Variants in PLCB1 observed in about 807,000 individuals in gnomAD.
PLCB1 encodes the protein 1-phosphatidylinositol 4,5-bisphosphate phosphodiesterase beta-1.
A neutral mutation model predicts 161.8 loss-of-function variants in PLCB1; 46 were observed. The observed-to-expected ratio is 0.28, with a 90% CI of 0.22 to 0.36. The LOEUF (loss-of-function observed/expected upper bound fraction) is 0.36, where lower values mean the gene tolerates loss of function less well. Among genes scored for constraint, PLCB1 ranks in the 10% least tolerant of loss-of-function variants. The pLI, the probability that PLCB1 is intolerant of heterozygous loss-of-function variation, is 1.00. For missense variants in PLCB1, 1,016 were observed against 1,472.5 expected (o/e 0.69, Z 5.07); for synonymous variants, 517 against 503.7 (o/e 1.03, Z -0.35).
At chr20:8,218,234 G>A (rs766222200) in intron 2 of PLCB1, among the ~76,000 whole-genome samples, 32 of 152,068 alleles carry the variant, frequency 2.1e-4, no homozygotes, top group Middle Eastern at 3.2e-3. Flanking sequence ...GTTTCTAAAA[G>A]GGCAGTGTTT....
chr20:8,693,703 T>C (rs529957359), intron 10 of PLCB1, among the ~76,000 whole-genome samples: 17 of 152,332 alleles, frequency 1.1e-4, no homozygotes, highest in African/African-American at 3.8e-4. Context: ...CACTGCAAGA[T>C]GAAAAATTCT....
intron 2 of PLCB1, among the ~76,000 whole-genome samples, chr20:8,369,653 G>T (rs773841142): frequency 2.0e-5 from 3 of 152,160 alleles, no homozygotes; most frequent in Non-Finnish European, 4.4e-5. Context: ...ATTCCTTGCT[G>T]GGTTGCCACC....
chr20:8,602,874 G>A (rs987397795), intron 3 of PLCB1, among the ~76,000 whole-genome samples: 7 of 152,174 alleles, frequency 4.6e-5, no homozygotes, highest in African/African-American at 1.7e-4. Context: ...TTCCTAAATG[G>A]ATGTTTGAAG....
At chr20:8,838,648 G>C (rs11698557) in intron 31 of PLCB1, among the ~76,000 whole-genome samples, 48,376 of 151,758 alleles carry the variant, frequency 0.32, 8,610 homozygotes, top group East Asian at 0.63. Context: ...ATTCGTAAAC[G>C]AAAAGCAGTA....
chr20:8,531,216 C>T (rs971504560), intron 3 of PLCB1, among the ~76,000 whole-genome samples: 49 of 151,866 alleles, frequency 3.2e-4, no homozygotes, highest in African/African-American at 1.2e-3. Flanking sequence ...TATTCAGACC[C>T]ATGTAACAAA....
At chr20:8,340,585 G>C (rs573427715) in intron 2 of PLCB1, among the ~76,000 whole-genome samples, 5 of 152,032 alleles carry the variant, frequency 3.3e-5, no homozygotes, top group African/African-American at 1.2e-4. Flanking sequence ...ACCACGCCCG[G>C]CTAATTTTTT....
At chr20:8,173,628 A>C (rs1432256040) in intron 2 of PLCB1, among the ~76,000 whole-genome samples, 1 of 152,230 alleles carries the variant, frequency 6.6e-6, no homozygotes, top group East Asian at 1.9e-4. Flanking sequence ...AGAGCTGAGA[A>C]GATCATGGCT....
chr20:8,143,668 G>A (rs1470869403), intron 1 of PLCB1, among the ~76,000 whole-genome samples: 2 of 152,232 alleles, frequency 1.3e-5, no homozygotes, highest in African/African-American at 2.4e-5. Context: ...AATGTGTCAG[G>A]TGGAGGGAAC....
chr20:8,469,273 T>G (rs1277453384), intron 3 of PLCB1, among the ~76,000 whole-genome samples: 6 of 152,178 alleles, frequency 3.9e-5, no homozygotes. Context: ...GAAGAGAACT[T>G]AAGAATACTC....
intron 9 of PLCB1, among the ~76,000 whole-genome samples, chr20:8,678,293 GTC>G (rs1990134958): frequency 6.6e-6 from 1 of 152,154 alleles, no homozygotes; most frequent in Non-Finnish European, 1.5e-5. Context: ...TAGTATTACT[GTC>G]TCTGAAAGAA....
chr20:8,729,500 G>A (rs1408185264), intron 18 of PLCB1: 3 of 167,202 alleles, frequency 1.8e-5, no homozygotes, highest in Non-Finnish European at 3.8e-5. Context: ...AAACTGCCAG[G>A]AATGCTACCA....
intron 2 of PLCB1, among the ~76,000 whole-genome samples, chr20:8,177,307 G>A (rs966284303): frequency 4.6e-5 from 7 of 152,090 alleles, no homozygotes; most frequent in African/African-American, 1.7e-4. Context: ...TGAGAAATGG[G>A]CAATCACCAG....
intron 2 of PLCB1, among the ~76,000 whole-genome samples, chr20:8,178,516 A>G (rs1474772155): frequency 2.0e-5 from 3 of 152,028 alleles, no homozygotes; most frequent in Non-Finnish European, 4.4e-5. Flanking sequence ...GTTAATTTAA[A>G]TTTGTTATAG....
At chr20:8,500,697 CTTTATT>C (rs1983370157) in intron 3 of PLCB1, among the ~76,000 whole-genome samples, 1 of 152,112 alleles carries the variant, frequency 6.6e-6, no homozygotes, top group Non-Finnish European at 1.5e-5. Flanking sequence ...ACTCTTTCTT[CTTTATT>C]TTTATTATAC....
At chr20:8,164,955 A>G (rs985977355) in intron 2 of PLCB1, among the ~76,000 whole-genome samples, 2 of 152,216 alleles carry the variant, frequency 1.3e-5, no homozygotes, top group African/African-American at 4.8e-5. Flanking sequence ...ACAATCATTT[A>G]TTTGAAGGAA....
At chr20:8,238,524 A>G (rs1384485124) in intron 2 of PLCB1, among the ~76,000 whole-genome samples, 3 of 151,940 alleles carry the variant, frequency 2.0e-5, no homozygotes, top group Non-Finnish European at 4.4e-5. Flanking sequence ...GCCAGATGTC[A>G]TATACTAGAT....
intron 31 of PLCB1, among the ~76,000 whole-genome samples, chr20:8,822,658 C>T (rs1028577531): frequency 1.3e-5 from 2 of 152,214 alleles, no homozygotes. Flanking sequence ...CAGCAAAACA[C>T]AAGTCCCTGG....
chr20:8,766,691 C>G (rs753550512), intron 26 of PLCB1, among the ~76,000 whole-genome samples: 2 of 152,170 alleles, frequency 1.3e-5, no homozygotes, highest in Non-Finnish European at 2.9e-5. Context: ...AGAGCAATGA[C>G]TCTAGCTGCT....
At chr20:8,647,517 G>A (rs895562922) in intron 5 of PLCB1, among the ~76,000 whole-genome samples, 1 of 152,184 alleles carries the variant, frequency 6.6e-6, no homozygotes, top group Non-Finnish European at 1.5e-5. Context: ...GTGACCTAGA[G>A]TTCTCATTCT....
Sources: allele counts gnomAD v4.1 joint callset (sites outside exome capture counted in the v4.1 genomes callset), GRCh38; gene constraint gnomAD v4.1.1; transcripts MANE v1.5; gene names NCBI Gene and HGNC (gene_info 2026-07-23, HGNC 2026-07-21).